Variants in CSN3 observed in about 807,000 individuals in gnomAD.
CSN3 encodes kappa-casein.
In CSN3, 7 loss-of-function variants were observed where a neutral mutation model predicts 9.9. The observed-to-expected ratio is 0.71, with a 90% CI of 0.40 to 1.33. CSN3 has a LOEUF of 1.33. CSN3 is among the 40% of genes most tolerant of loss of function. The pLI, the probability that CSN3 is intolerant of heterozygous loss-of-function variation, is 0.01. For missense variants in CSN3, 253 were observed against 227.9 expected, an observed-to-expected ratio of 1.11 and a Z score of -0.71; for synonymous variants, 88 against 82.3, an observed-to-expected ratio of 1.07 and a Z score of -0.37.
At chr4:70,239,508 G>T (rs1730231238), upstream of CSN3, among the ~76,000 whole-genome samples, 1 of 151,800 alleles carries the variant, frequency 6.6e-6, no homozygotes, top group Non-Finnish European at 1.5e-5. Flanking sequence ...TATTTTAATG[G>T]CTTCAGAAAT....
chr4:70,241,782 TAAAA>T (rs1465934876), upstream of CSN3, among the ~76,000 whole-genome samples: 4 of 151,950 alleles, frequency 2.6e-5, no homozygotes, highest in African/African-American at 9.7e-5. Flanking sequence ...TTTAAAATCT[TAAAA>T]AAAGTTTATT....
intron 1 of CSN3, chr4:70,243,076 TA>T (rs1257814190): frequency 5.1e-6 from 2 of 395,592 alleles, no homozygotes; most frequent in African/African-American, 2.2e-5. Context: ...ATGGAATAAT[TA>T]TTTTTTTAAA....
chr4:70,244,670 T>A, intron 1 of CSN3, 142 bp from the exon 2 acceptor site: 1 of 406,762 alleles, frequency 2.5e-6, no homozygotes, highest in South Asian at 8.4e-5. Flanking sequence ...CATTCTTTTG[T>A]TAAAATAAAT....
At chr4:70,247,917 G>T in intron 3 of CSN3, 67 bp downstream of exon 3, 2 of 1,145,446 alleles carry the variant, frequency 1.7e-6, no homozygotes, top group Non-Finnish European at 2.5e-6. Context: ...AAGGTCAATT[G>T]TATTATAGAT....
At chr4:70,249,363 G>T in exon 4 of CSN3, 1 of 1,613,992 alleles carries the variant, frequency 6.2e-7, no homozygotes, top group Non-Finnish European at 8.5e-7. Context: ...CTGAACCAAC[G>T]GTGGACAGTG....
At chr4:70,248,928 T>A (rs1347872593) in intron 3 of CSN3, 70 bp from the exon 4 acceptor site, 2 of 1,116,226 alleles carry the variant, frequency 1.8e-6, no homozygotes, top group African/African-American at 1.6e-5. Context: ...TTTCAAAAAA[T>A]GCAGATTTAA....
exon 4 of CSN3, chr4:70,249,213 T>G: frequency 1.2e-6 from 2 of 1,614,006 alleles, no homozygotes; most frequent in Non-Finnish European, 1.7e-6. Flanking sequence ...ACCTGCCAAA[T>G]AGCCACCCAC....
intron 2 of CSN3, among the ~76,000 whole-genome samples, chr4:70,245,403 C>T (rs1730358166): frequency 6.6e-6 from 1 of 152,054 alleles, no homozygotes; most frequent in South Asian, 2.1e-4. Context: ...ATATTCTTCC[C>T]CATTATGTCA....
At chr4:70,241,318 A>G (rs985296455), upstream of CSN3, among the ~76,000 whole-genome samples, 2 of 152,038 alleles carry the variant, frequency 1.3e-5, no homozygotes, top group African/African-American at 4.8e-5. Flanking sequence ...AACTATTCTG[A>G]GAAACAGAAA....
intron 1 of CSN3, among the ~76,000 whole-genome samples, chr4:70,242,884 T>C (rs1215223715): frequency 6.6e-6 from 1 of 152,142 alleles, no homozygotes; most frequent in East Asian, 1.9e-4. Flanking sequence ...TCCAGTCAAA[T>C]TCTGATACCA....
intron 1 of CSN3, among the ~76,000 whole-genome samples, chr4:70,243,593 T>C (rs1252556096): frequency 6.6e-6 from 1 of 152,072 alleles, no homozygotes; most frequent in Admixed American, 6.6e-5. Context: ...TGAATCTTTT[T>C]TGCGAAGTTC....
chr4:70,242,901 T>C (rs1439860688), intron 1 of CSN3, among the ~76,000 whole-genome samples: 2 of 152,118 alleles, frequency 1.3e-5, no homozygotes, highest in African/African-American at 2.4e-5. Context: ...ACCAACTAAA[T>C]CATAGCAGCC....
chr4:70,247,737 A>T, intron 2 of CSN3, 81 bp from the exon 3 acceptor site: 2 of 1,189,688 alleles, frequency 1.7e-6, no homozygotes, highest in Non-Finnish European at 2.4e-6. Context: ...TTTAACACAA[A>T]AGATTTTTTT....
intron 1 of CSN3, among the ~76,000 whole-genome samples, chr4:70,243,560 C>T (rs1376620845): frequency 6.6e-6 from 1 of 151,982 alleles, no homozygotes; most frequent in Non-Finnish European, 1.5e-5. Flanking sequence ...GCTTTCCATC[C>T]CCTATCTGAG....
At chr4:70,242,898 A>G (rs1240226096) in intron 1 of CSN3, among the ~76,000 whole-genome samples, 1 of 152,130 alleles carries the variant, frequency 6.6e-6, no homozygotes, top group Non-Finnish European at 1.5e-5. Flanking sequence ...GATACCAACT[A>G]AATCATAGCA....
chr4:70,250,015 T>A (rs1730453316), intron 4 of CSN3, among the ~76,000 whole-genome samples: 1 of 152,218 alleles, frequency 6.6e-6, no homozygotes, highest in Non-Finnish European at 1.5e-5. Context: ...TTCATGAAGT[T>A]AAGCCTCTCA....
chr4:70,251,034 C>A (rs62308389), intron 4 of CSN3, among the ~76,000 whole-genome samples: 17,373 of 152,006 alleles, frequency 0.11, 1,312 homozygotes, highest in East Asian at 0.27. Context: ...TTTACTGATG[C>A]AAAACATAAA....
intron 3 of CSN3, among the ~76,000 whole-genome samples, chr4:70,248,495 A>G (rs1730421524): frequency 6.6e-6 from 1 of 152,180 alleles, no homozygotes; most frequent in Admixed American, 6.6e-5. Context: ...CTATTCTGCT[A>G]TAGTTTAGGA....
chr4:70,238,780 G>T (rs1477816075), upstream of CSN3, among the ~76,000 whole-genome samples: 1 of 151,736 alleles, frequency 6.6e-6, no homozygotes, highest in Non-Finnish European at 1.5e-5. Context: ...TCTTCTAACA[G>T]GTTGTTGCAG....
Sources: allele counts gnomAD v4.1 joint callset (sites outside exome capture counted in the v4.1 genomes callset), GRCh38; gene constraint gnomAD v4.1.1; transcripts MANE v1.5; gene names NCBI Gene and HGNC (gene_info 2026-07-23, HGNC 2026-07-21).